The following PBX1 variants were observed in gnomAD, a reference collection of about 807,000 sequenced individuals.
PBX1 encodes PBX homeobox 1, also known as pre-B-cell leukemia transcription factor 1.
In PBX1, 6 loss-of-function variants were observed where a neutral mutation model predicts 53.4. That is an observed-to-expected ratio of 0.11 (90% CI 0.06 to 0.22). The LOEUF is 0.22. PBX1 is among the 10% of genes least tolerant of loss of function. The pLI, the probability that PBX1 is intolerant of heterozygous loss-of-function variation, is 1.00. For synonymous variants in PBX1, 204 were observed against 212.3 expected, an observed-to-expected ratio of 0.96 and a Z score of 0.34; for missense variants, 251 against 551.4, an observed-to-expected ratio of 0.46 and a Z score of 5.46.
At chr1:164,621,318 TTCTG>T (rs1440530059) in intron 2 of PBX1, among the ~76,000 whole-genome samples, 98 of 152,246 alleles carry the variant, frequency 6.4e-4, no homozygotes, top group Non-Finnish European at 2.4e-4. Context: ...TTCCTTCTCT[TTCTG>T]TCTGTCTGTA....
intron 1 of PBX1, chr1:164,562,954 A>G: frequency 5.1e-6 from 1 of 196,540 alleles, no homozygotes; most frequent in Non-Finnish European, 1.0e-5. Flanking sequence ...TTACTCTTTG[A>G]TTAAACTACT....
chr1:164,678,190 G>A (rs1439686112), intron 2 of PBX1, among the ~76,000 whole-genome samples: 1 of 152,170 alleles, frequency 6.6e-6, no homozygotes, highest in Non-Finnish European at 1.5e-5. Context: ...TATATAGGAT[G>A]AGGATGTCCT....
chr1:164,586,863 C>T (rs569173011), intron 2 of PBX1, among the ~76,000 whole-genome samples: 3 of 152,084 alleles, frequency 2.0e-5, no homozygotes, highest in Middle Eastern at 3.4e-3. Context: ...GATGGTGAGT[C>T]GAGACCATTA....
intron 2 of PBX1, among the ~76,000 whole-genome samples, chr1:164,742,719 C>T (rs920570653): frequency 6.6e-6 from 1 of 152,142 alleles, no homozygotes; most frequent in East Asian, 1.9e-4. Flanking sequence ...GTCCTAACCT[C>T]CCTCTGACTT....
intron 2 of PBX1, among the ~76,000 whole-genome samples, chr1:164,752,085 T>G (rs1666261469): frequency 6.6e-6 from 1 of 152,052 alleles, no homozygotes; most frequent in African/African-American, 2.4e-5. Context: ...TTCATAGGTT[T>G]GGCAAAGTCA....
At position 164,848,651 on chromosome 1, in the gene PBX1, G is replaced by T; in HGVS notation, c.*1975G>T. The T allele has an allele frequency of 9.5e-7, 1 of 1,056,106 alleles. No individual in the cohort carries two copies. Among genetic ancestry groups the T allele is most frequent in the Non-Finnish European group, 1.1e-6 (1 of 873,648 alleles). The allele number at this position is 1,056,106 out of a possible 1,614,324, so 65.4% of individuals were successfully genotyped here. A position where few individuals can be genotyped will look rare whatever the true frequency, so the allele number is the denominator to read the frequency against. On this transcript the variant is annotated 3_prime_UTR_variant, in exon 9 of 9. Coordinates refer to ENST00000420696, the MANE Select transcript of PBX1 (RefSeq NM_002585.4). ...AAAAACTTCCAAACTAGAAAAACAG[G>T]CCCTGGTTCCCTTAGTTTGCACTTG...
rs557672042 is a variant in PBX1, at chr1:164,657,867, A to G, written c.265+94556A>G. On this transcript the variant is annotated intron_variant, in intron 2 of 8. Transcript: ENST00000420696. ...CCATGCAACCTGCATGCTGTGCAAG[A>G]AAGAAAGGTGATGGACAGATAGTCC... is the stretch of plus-strand genomic sequence containing the variant. 6.6e-5 allele frequency among the ~76,000 whole-genome samples: 10 copies of G among 152,318 alleles called. No homozygotes were observed. The South Asian group carries it at 2.1e-3, about 32-fold the overall frequency.
intron 2 of PBX1, among the ~76,000 whole-genome samples, chr1:164,593,653 G>A (rs1432996881): frequency 8.5e-6 from 1 of 117,152 alleles, no homozygotes; most frequent in African/African-American, 3.2e-5. Context: ...ATAATAAATA[G>A]CCAGAATTTT....
chr1:164,819,998 C>A, intron 6 of PBX1, 74 bp from the exon 7 acceptor site: 1 of 822,246 alleles, frequency 1.2e-6, no homozygotes. Context: ...TGTCATTCTT[C>A]CTCTTGGCTG....
intron 2 of PBX1, chr1:164,682,985 A>T (rs1661876495): frequency 6.6e-6 from 1 of 152,098 alleles, no homozygotes; most frequent in African/African-American, 2.4e-5. Context: ...GAGTTTTTTG[A>T]TGTGGAAAGC....
intron 2 of PBX1, among the ~76,000 whole-genome samples, chr1:164,568,225 A>G (rs1010440383): frequency 6.6e-6 from 1 of 152,208 alleles, no homozygotes. Context: ...TGTCATAGGC[A>G]TATCTTAGGA....
chr1:164,602,854 G>A (rs531888897), intron 2 of PBX1, among the ~76,000 whole-genome samples: 2 of 152,252 alleles, frequency 1.3e-5, no homozygotes, highest in African/African-American at 2.4e-5. Context: ...GCCGTTAAAC[G>A]GTTGTAAATT....
At chr1:164,755,610 G>A (rs1231770214) in intron 2 of PBX1, among the ~76,000 whole-genome samples, 1 of 151,920 alleles carries the variant, frequency 6.6e-6, no homozygotes, top group African/African-American at 2.4e-5. Flanking sequence ...ATAAGTAGAA[G>A]CCTGACTTGG....
At chr1:164,716,711 C>G (rs1664108953) in intron 2 of PBX1, among the ~76,000 whole-genome samples, 2 of 150,542 alleles carry the variant, frequency 1.3e-5, no homozygotes, top group South Asian at 2.2e-4. Context: ...CACACACACA[C>G]ACACACACAC....
chr1:164,561,820 A>G (rs1653069609), intron 1 of PBX1, among the ~76,000 whole-genome samples: 1 of 152,146 alleles, frequency 6.6e-6, no homozygotes, highest in African/African-American at 2.4e-5. Flanking sequence ...TGTGCTGTGG[A>G]AATACAATAT....
intron 2 of PBX1, among the ~76,000 whole-genome samples, chr1:164,589,697 T>C (rs750912952): frequency 2.0e-5 from 3 of 152,148 alleles, no homozygotes; most frequent in Admixed American, 6.5e-5. Flanking sequence ...GGAGGAGATA[T>C]TATCCACCTG....
chr1:164,572,758 C>A (rs1317513847), intron 2 of PBX1, among the ~76,000 whole-genome samples: 1 of 152,122 alleles, frequency 6.6e-6, no homozygotes. Flanking sequence ...GCACATAGTT[C>A]AATGAGTATG....
chr1:164,731,834 G>A (rs553214417), intron 2 of PBX1, among the ~76,000 whole-genome samples: 34 of 152,286 alleles, frequency 2.2e-4, no homozygotes, highest in African/African-American at 7.2e-4. Flanking sequence ...TGAGCTCGGC[G>A]GCCTGTGTGA....
rs1671815996 is a variant in PBX1 at position 164,851,110 on chromosome 1, C to T, written c.*4434C>T. 9.0e-6 allele frequency: 2 copies of T among 221,518 alleles called. No individual in the cohort carries two copies. The highest frequency in any genetic ancestry group is 2.2e-5 in the African/African-American group (1 of 44,682). 13.7% of individuals were successfully genotyped at this position (221,518 alleles called of 1,614,324 possible). On this transcript the variant is annotated 3_prime_UTR_variant, in exon 9 of 9. Transcript: ENST00000420696. The stretch of plus-strand genomic sequence containing the variant: ...CTGTAGTTTTAATGCTAAGAGGTTA[C>T]GTTTACTTCACAGAGTACACCTCTT...
Sources: gnomAD v4.1 joint callset for allele counts (sites outside exome capture counted in the v4.1 genomes callset) on GRCh38, gnomAD v4.1.1 for gene constraint, MANE v1.5 for transcripts, NCBI Gene and HGNC (gene_info 2026-07-23, HGNC 2026-07-21) for gene names.